Variants in PRMT7 observed in about 807,000 individuals in gnomAD.
PRMT7 encodes the protein protein arginine N-methyltransferase 7.
PRMT7 carries 75 observed loss-of-function variants against 85.4 expected under a neutral mutation model. That is an observed-to-expected ratio of 0.88 (90% CI 0.73 to 1.06). PRMT7 has a LOEUF of 1.06. PRMT7 is among the 50% of genes least tolerant of loss of function. The probability of loss-of-function intolerance (pLI) is 0.00; values close to 1 mark genes in which losing one functional copy is unlikely to be tolerated. For synonymous variants in PRMT7, 397 were observed against 359.5 expected, an observed-to-expected ratio of 1.10 and a Z score of -1.18; for missense variants, 868 against 915.2, an observed-to-expected ratio of 0.95 and a Z score of 0.67.
chr16:68,319,849 A>G (rs944181787), intron 3 of PRMT7, among the ~76,000 whole-genome samples: 1 of 152,132 alleles, frequency 6.6e-6, no homozygotes, highest in African/African-American at 2.4e-5. Context: ...TTGAATTCCC[A>G]GAAAGCGTGG....
intron 14 of PRMT7, among the ~76,000 whole-genome samples, chr16:68,350,319 A>T (rs2087110682): frequency 6.6e-6 from 1 of 152,110 alleles, no homozygotes; most frequent in African/African-American, 2.4e-5. Context: ...GGTAGTTACG[A>T]TCGACTTTTT....
Position 68,345,800 on chromosome 16 carries a change from C to T in PRMT7, c.1053C>T (p.Thr351=), listed in dbSNP as rs781383670. Residue 351 remains threonine (T), a splice_region_variant and synonymous_variant, in exon 10 of 19, where the codon ACC becomes ACT. Coordinates refer to ENST00000441236, the MANE Select transcript of PRMT7 (RefSeq NM_019023.5). ...DYCVWYSLQR[T]SPEKNERVRQ... Reference sequence around the variant, plus strand: ...GCGTATGGTACAGCCTGCAGAGGACCAGGTACGTCGAGCCTCGTGGGGGTG... The same window carrying T: ...GCGTATGGTACAGCCTGCAGAGGACTAGGTACGTCGAGCCTCGTGGGGGTG... The T allele has an allele frequency of 4.3e-6, 7 of 1,614,000 alleles. No individual in the cohort carries two copies. Among genetic ancestry groups the T allele is most frequent in the Non-Finnish European group, 5.9e-6 (7 of 1,180,004 alleles).
At chr16:68,339,202 A>C (rs1385099903) in intron 7 of PRMT7, 120 bp from the exon 8 acceptor site, 1 of 1,259,724 alleles carries the variant, frequency 7.9e-7, no homozygotes, top group Non-Finnish European at 1.1e-6. Context: ...TAATAGTATA[A>C]GGTGTTGGGC....
chr16:68,343,562 T>G (rs2085869611), intron 9 of PRMT7, among the ~76,000 whole-genome samples: 1 of 152,176 alleles, frequency 6.6e-6, no homozygotes, highest in Admixed American at 6.5e-5. Context: ...CTCCTCAACG[T>G]TAGGACCCAG....
chr16:68,336,126 T>C (rs2084655451), intron 6 of PRMT7, among the ~76,000 whole-genome samples: 1 of 152,232 alleles, frequency 6.6e-6, no homozygotes, highest in Admixed American at 6.5e-5. Flanking sequence ...TCTGTGAGAC[T>C]TGTGCTCTGT....
chr16:68,342,502 C>G (rs2085692642), intron 9 of PRMT7, among the ~76,000 whole-genome samples: 1 of 152,150 alleles, frequency 6.6e-6, no homozygotes, highest in Non-Finnish European at 1.5e-5. Flanking sequence ...GCCTCAGGCA[C>G]CATCCTTTGT....
chr16:68,340,552 G>T (rs927539889), intron 9 of PRMT7, among the ~76,000 whole-genome samples: 3 of 149,432 alleles, frequency 2.0e-5, no homozygotes, highest in Non-Finnish European at 4.4e-5. Context: ...CTGCACTCCC[G>T]CCTGGGCAAT....
intron 9 of PRMT7, among the ~76,000 whole-genome samples, chr16:68,343,956 T>G (rs186646736): frequency 6.6e-6 from 1 of 152,294 alleles, no homozygotes; most frequent in Admixed American, 6.5e-5. Context: ...TCATCAGAGT[T>G]GAGCCAGGCA....
chr16:68,343,121 T>C lies in PRMT7; in HGVS notation c.928-2554T>C, dbSNP rs560078774. 5.3e-4 allele frequency among the ~76,000 whole-genome samples: 80 copies of C among 152,184 alleles called. 1 individual carries two copies. Among genetic ancestry groups the C allele is most frequent in the Non-Finnish European group, 9.9e-4 (67 of 67,994 alleles). ...TACAGGGCTGAGGCAGGAGAATCACTTCAACCTGGGAGGTGGAGGTTGCAG... is the reference window on the plus strand; with the variant it reads ...TACAGGGCTGAGGCAGGAGAATCACCTCAACCTGGGAGGTGGAGGTTGCAG... On this transcript the variant is annotated intron_variant, in intron 9 of 18. Coordinates refer to ENST00000441236, the MANE Select transcript of PRMT7 (RefSeq NM_019023.5).
chr16:68,318,690 C>T (rs1048835362), intron 3 of PRMT7: 2 of 152,176 alleles, frequency 1.3e-5, no homozygotes, highest in African/African-American at 4.8e-5. Context: ...TCTGCCACCA[C>T]ACCTGGCTAA....
chr16:68,327,583 G>GC (rs2083279551), intron 5 of PRMT7, among the ~76,000 whole-genome samples: 1 of 152,156 alleles, frequency 6.6e-6, no homozygotes, highest in Non-Finnish European at 1.5e-5. Context: ...GGCCTCCAAA[G>GC]CAGTAGTTTC....
At chr16:68,321,282 TAAATA>T (rs1187225900) in intron 3 of PRMT7, 139 bp from the exon 4 acceptor site, 1 of 576,386 alleles carries the variant, frequency 1.7e-6, no homozygotes, top group African/African-American at 2.0e-5. Flanking sequence ...AAAAAAAAAA[TAAATA>T]AAGATAAAAG....
chr16:68,351,009 G>A (rs1388484090), intron 14 of PRMT7, among the ~76,000 whole-genome samples: 6 of 152,246 alleles, frequency 3.9e-5, no homozygotes, highest in African/African-American at 1.4e-4. Context: ...GCTGTTGTGA[G>A]TAATGCTGCT....
chr16:68,311,088 T>G lies in PRMT7; in HGVS notation c.-230T>G, dbSNP rs1248508205. On this transcript the variant is annotated 5_prime_UTR_variant, in exon 1 of 19. Coordinates refer to ENST00000441236, the MANE Select transcript of PRMT7 (RefSeq NM_019023.5). Reference sequence around the variant, plus strand: ...GTAGCAGCGGAGGCGAGCGGAGGGTTTCCCGCGGCGGGTGAGGCGCTGGGT... The same window carrying G: ...GTAGCAGCGGAGGCGAGCGGAGGGTGTCCCGCGGCGGGTGAGGCGCTGGGT... 2.7e-6 allele frequency: 2 copies of G among 739,204 alleles called. No individual in the cohort carries two copies. Among genetic ancestry groups the G allele is most frequent in the South Asian group, 3.0e-5 (2 of 67,168 alleles). The allele number at this position is 739,204 out of a possible 1,614,324, so 45.8% of individuals were successfully genotyped here. A position where few individuals can be genotyped will look rare whatever the true frequency, so the allele number is the denominator to read the frequency against.
rs2081812530 is a variant in PRMT7, at chr16:68,316,060, C to T, written c.81C>T (p.His27=). Residue 27 remains histidine, a synonymous_variant, in exon 3 of 19, where the codon CAC becomes CAT. Transcript: ENST00000441236. ...WLEEDEHYDY[H]QEIARSSYAD... Reference sequence around the variant, plus strand: ...AGGAGGATGAACACTATGATTACCACCAGGAGATTGCAAGGTACTGGGTTG... The same window carrying T: ...AGGAGGATGAACACTATGATTACCATCAGGAGATTGCAAGGTACTGGGTTG... 5 of 1,613,392 alleles carry T rather than the reference C, an allele frequency of 3.1e-6. No individual in the cohort carries two copies. Among genetic ancestry groups the T allele is most frequent in the Non-Finnish European group, 4.2e-6 (5 of 1,179,838 alleles).
intron 17 of PRMT7, among the ~76,000 whole-genome samples, chr16:68,356,089 A>T (rs1247315429): frequency 6.6e-6 from 1 of 152,212 alleles, no homozygotes; most frequent in Non-Finnish European, 1.5e-5. Context: ...TGGAGGAGCC[A>T]GGAAGGGCTC....
chr16:68,323,311 C>G (rs570503562), intron 4 of PRMT7, among the ~76,000 whole-genome samples: 2 of 151,576 alleles, frequency 1.3e-5, no homozygotes, highest in Non-Finnish European at 2.9e-5. Flanking sequence ...CTCCACCTCC[C>G]GAGTTCAAGT....
At chr16:68,355,304 A>G (rs1386825868) in intron 16 of PRMT7, 1 of 155,628 alleles carries the variant, frequency 6.4e-6, no homozygotes, top group East Asian at 1.9e-4. Flanking sequence ...TCCCTCCTGG[A>G]TGCAGGTGCC....
At chr16:68,333,461 A>G (rs2084204090) in intron 6 of PRMT7, among the ~76,000 whole-genome samples, 1 of 151,780 alleles carries the variant, frequency 6.6e-6, no homozygotes, top group Admixed American at 6.6e-5. Flanking sequence ...AGCCTGGGCA[A>G]CAAGAGCAAA....
Sources: gnomAD v4.1 joint callset for allele counts (sites outside exome capture counted in the v4.1 genomes callset) on GRCh38, gnomAD v4.1.1 for gene constraint, MANE v1.5 for transcripts, NCBI Gene and HGNC (gene_info 2026-07-23, HGNC 2026-07-21) for gene names.